Variants in TMED2 observed in about 807,000 individuals in gnomAD.
The protein encoded by TMED2 is transmembrane emp24 domain-containing protein 2.
In TMED2, 3 loss-of-function variants were observed where a neutral mutation model predicts 17.5. The ratio of observed to expected loss-of-function variants is 0.17; its 90% CI spans 0.08 to 0.44. The LOEUF (loss-of-function observed/expected upper bound fraction) is 0.44. Ranked by LOEUF, TMED2 falls within the 20% of genes least tolerant of loss-of-function variation. The pLI is 0.99. For missense variants in TMED2, 149 were observed against 254.8 expected, an observed-to-expected ratio of 0.58 and a Z score of 2.83; for synonymous variants, 95 against 91.0, an observed-to-expected ratio of 1.04 and a Z score of -0.25.
intron 1 of TMED2, among the ~76,000 whole-genome samples, chr12:123,585,284 A>G (rs1039498569): frequency 1.3e-5 from 2 of 152,200 alleles, no homozygotes; most frequent in Non-Finnish European, 2.9e-5. Flanking sequence ...TTGAGGATTA[A>G]AAACCTATTG....
At chr12:123,587,018 G>C in intron 2 of TMED2, 79 bp downstream of exon 2, 1 of 1,272,902 alleles carries the variant, frequency 7.9e-7, no homozygotes, top group Non-Finnish European at 1.0e-6. Context: ...TGTCTGAGTG[G>C]AGTACTTATT....
Position 123,598,036 on chromosome 12 carries a change from T to TTG in TMED2, c.*1316_*1317dup, listed in dbSNP as rs1443536051. ...GGACAACTGTTGCATGCCAAGTTTT[T>TTG]TGTGTGTGTGAAACACTTCAAAACT... On this transcript the variant is annotated 3_prime_UTR_variant, in exon 4 of 4. Coordinates refer to ENST00000262225, the MANE Select transcript of TMED2 (RefSeq NM_006815.4). 1.3e-5 allele frequency: 2 copies of TTG among 152,588 alleles called. No homozygotes were observed. Among genetic ancestry groups the TTG allele is most frequent in the African/African-American group, 2.4e-5 (1 of 41,438 alleles). 9.5% of individuals were successfully genotyped at this position (152,588 alleles called of 1,614,324 possible). A position where few individuals can be genotyped will look rare whatever the true frequency, so the allele number is the denominator to read the frequency against.
At chr12:123,584,891 G>T in intron 1 of TMED2, 75 bp downstream of exon 1, 3 of 1,565,196 alleles carry the variant, frequency 1.9e-6, no homozygotes, top group Non-Finnish European at 2.6e-6. Flanking sequence ...GGACCGGCGC[G>T]GGGCCTGTGT....
intron 1 of TMED2, chr12:123,586,354 T>TC: frequency 6.7e-6 from 1 of 149,388 alleles, no homozygotes. Flanking sequence ...TGAATTTCTT[T>TC]TTTTTTTTTT....
In TMED2 at chr12:123,593,379, A is replaced by G. The variant is rs112856636; in HGVS notation, c.481+2930A>G. The stretch of plus-strand genomic sequence containing the variant: ...GCGATTCTCCTGCCTCAGCCTCCTG[A>G]GTAGCTGGGACTACAGGCGCACGCC... On this transcript the variant is annotated intron_variant, in intron 3 of 3. Transcript: ENST00000262225. Among the ~76,000 whole-genome samples the G allele has an allele frequency of 3.9e-3, 587 of 152,234 alleles. 6 individuals carry two copies. The highest frequency in any genetic ancestry group is 0.013 in the African/African-American group (553 of 41,548).
chr12:123,593,962 AT>A (rs764283197), intron 3 of TMED2, among the ~76,000 whole-genome samples: 518 of 136,824 alleles, frequency 3.8e-3, no homozygotes, highest in Admixed American at 4.0e-3. Flanking sequence ...CACCTGGCTA[AT>A]TTTTTTTTTT....
In TMED2 at chr12:123,597,061, G is replaced by A; in HGVS notation, c.*332G>A. On this transcript the variant is annotated 3_prime_UTR_variant, in exon 4 of 4. Transcript: ENST00000262225. ...TCATAATATAATGCAGTTTGTTCAG[G>A]AAATCAGCACAAAGCCTGATAGTAC... 6.3e-6 allele frequency: 1 copy of A among 159,066 alleles called. No homozygotes were observed. The highest frequency in any genetic ancestry group is 1.8e-4 in the South Asian group (1 of 5,510). 9.9% of individuals were successfully genotyped at this position (159,066 alleles called of 1,614,324 possible).
At chr12:123,594,108 A>G (rs1353161940) in intron 3 of TMED2, among the ~76,000 whole-genome samples, 1 of 150,144 alleles carries the variant, frequency 6.7e-6, no homozygotes, top group Non-Finnish European at 1.5e-5. Flanking sequence ...AATGTTGGCT[A>G]TTTGCAGAAA....
chr12:123,589,216 A>G (rs779296024), intron 2 of TMED2, among the ~76,000 whole-genome samples: 13 of 152,160 alleles, frequency 8.5e-5, no homozygotes, highest in Admixed American at 5.2e-4. Context: ...CTCTACTTAC[A>G]TTGCCTGCTG....
rs753157812 is a variant in TMED2, at chr12:123,584,588, C to T, written c.-49C>T. 8 of 1,573,492 alleles carry T rather than the reference C, an allele frequency of 5.1e-6. No individual in the cohort carries two copies. Among genetic ancestry groups the T allele is most frequent in the South Asian group, 2.2e-5 (2 of 88,930 alleles). On this transcript the variant is annotated 5_prime_UTR_variant, in exon 1 of 4. Coordinates refer to ENST00000262225, the MANE Select transcript of TMED2 (RefSeq NM_006815.4). ...GGGGCGGCGGCGGCGGCGGCGGCGG[C>T]GGCTGTGGAGGCCGCAGTCCGGGTC...
chr12:123,596,144 G>T (rs1953429527), intron 3 of TMED2, among the ~76,000 whole-genome samples: 1 of 152,228 alleles, frequency 6.6e-6, no homozygotes, highest in South Asian at 2.1e-4. Context: ...AAAGTGATGT[G>T]CATTCAGAAG....
chr12:123,587,770 G>A (rs897931048), intron 2 of TMED2: 7 of 667,758 alleles, frequency 1.0e-5, no homozygotes, highest in African/African-American at 2.0e-5. Context: ...CAACTAATTG[G>A]ATTGATATTT....
rs764600620 is a variant in TMED2 at position 123,584,856 on chromosome 12, G to A, written c.180+40G>A. 6 of 1,597,588 alleles carry A rather than the reference G, an allele frequency of 3.8e-6. No homozygotes were observed. The South Asian group carries it at 6.6e-5, about 18-fold the overall frequency. ...CCCGCAGCTGAGGCTTGGTCGCGTG[G>A]CCACTCGGGGATTGGTGGCACCTGG... On this transcript the variant is annotated intron_variant, in intron 1 of 3. Coordinates refer to ENST00000262225, the MANE Select transcript of TMED2 (RefSeq NM_006815.4).
intron 2 of TMED2, among the ~76,000 whole-genome samples, chr12:123,589,890 G>A (rs1390441542): frequency 6.6e-6 from 1 of 151,950 alleles, no homozygotes; most frequent in South Asian, 2.1e-4. Context: ...GGAGGCTGAG[G>A]CAGGGGATTG....
chr12:123,587,227 A>G lies in TMED2; in HGVS notation c.373+288A>G, dbSNP rs544253206. Among the ~76,000 whole-genome samples the G allele has an allele frequency of 6.6e-5, 10 of 152,152 alleles. No homozygotes were observed. The South Asian group carries it at 1.2e-3, about 19-fold the overall frequency. ...AGTAGCGTGATCTTGGCTTACTGCAATCTCCGCCTCCTGGGTTCAAGCGAT... is the reference window on the plus strand; with the variant it reads ...AGTAGCGTGATCTTGGCTTACTGCAGTCTCCGCCTCCTGGGTTCAAGCGAT... On this transcript the variant is annotated intron_variant, in intron 2 of 3. Coordinates refer to ENST00000262225, the MANE Select transcript of TMED2 (RefSeq NM_006815.4).
chr12:123,598,353 C>G lies in TMED2; in HGVS notation c.*1624C>G, dbSNP rs547544208. On this transcript the variant is annotated 3_prime_UTR_variant, in exon 4 of 4. Coordinates refer to ENST00000262225, the MANE Select transcript of TMED2 (RefSeq NM_006815.4). ...GTGTGGCTTCTCTGATGGATCAGTG[C>G]TAAAATCTTAAGTATTTTTCTATTT... 5 of 152,158 alleles carry G rather than the reference C, an allele frequency of 3.3e-5. No individual in the cohort carries two copies. Among genetic ancestry groups the G allele is most frequent in the African/African-American group, 1.2e-4 (5 of 41,500 alleles). 9.4% of individuals were successfully genotyped at this position (152,158 alleles called of 1,614,324 possible).
chr12:123,589,268 G>A (rs934642481), intron 2 of TMED2, among the ~76,000 whole-genome samples: 12 of 152,198 alleles, frequency 7.9e-5, no homozygotes, highest in African/African-American at 2.9e-4. Context: ...AAAGAAGAAT[G>A]TTTGAGTTGG....
intron 3 of TMED2, among the ~76,000 whole-genome samples, chr12:123,591,771 ACT>A (rs370853813): frequency 7.0e-4 from 106 of 151,034 alleles, no homozygotes; most frequent in African/African-American, 2.5e-3. Flanking sequence ...ACAGAGCGAG[ACT>A]CTGTCTGAAA....
At position 123,594,377 on chromosome 12, in the gene TMED2, A is replaced by C. The variant is rs1027786985; in HGVS notation, c.482-2228A>C. Among the ~76,000 whole-genome samples, 4 of 150,804 alleles carry C rather than the reference A, an allele frequency of 2.7e-5. No homozygotes were observed. In the East Asian group the frequency reaches 8.0e-4, roughly 30 times the overall value. ...TCTCGATCTCCTGACCTCGTGATCCACCCGCCTCGACCTCACAAAGTGCTG... is the reference window on the plus strand; with the variant it reads ...TCTCGATCTCCTGACCTCGTGATCCCCCCGCCTCGACCTCACAAAGTGCTG... On this transcript the variant is annotated intron_variant, in intron 3 of 3. Transcript: ENST00000262225.
Sources: gnomAD v4.1 joint callset for allele counts (sites outside exome capture counted in the v4.1 genomes callset) on GRCh38, gnomAD v4.1.1 for gene constraint, MANE v1.5 for transcripts, NCBI Gene and HGNC (gene_info 2026-07-23, HGNC 2026-07-21) for gene names.